Variants in CLUAP1 observed in about 807,000 individuals in gnomAD.
CLUAP1 encodes the protein intraflagellar transport 38.
A neutral mutation model predicts 55.0 loss-of-function variants in CLUAP1; 50 were observed. The ratio of observed to expected loss-of-function variants is 0.91; its 90% CI spans 0.72 to 1.15. The LOEUF (loss-of-function observed/expected upper bound fraction) is 1.15. CLUAP1 is among the 50% of genes most tolerant of loss of function. The pLI is 0.00. For missense variants in CLUAP1, 530 were observed against 507.6 expected (o/e 1.04, Z -0.42); for synonymous variants, 195 against 175.4 (o/e 1.11, Z -0.88).
intron 8 of CLUAP1, 81 bp from the exon 9 acceptor site, chr16:3,526,331 A>G (rs1390404638): frequency 1.2e-6 from 1 of 850,158 alleles, no homozygotes; most frequent in Non-Finnish European, 1.7e-6. Flanking sequence ...CAAACTTAGC[A>G]GTCCTTACAC....
intron 9 of CLUAP1, among the ~76,000 whole-genome samples, chr16:3,527,114 C>T (rs890298448): frequency 6.6e-6 from 1 of 152,052 alleles, no homozygotes; most frequent in African/African-American, 2.4e-5. Flanking sequence ...CTTGTGTGGG[C>T]GGCAAGCCGC....
chr16:3,496,379 C>A, upstream of CLUAP1: 1 of 1,197,580 alleles, frequency 8.4e-7, no homozygotes, highest in Non-Finnish European at 1.2e-6. Flanking sequence ...CACCAACCGG[C>A]CACCTCTGTC....
Position 3,508,581 on chromosome 16 carries a change from G to C in CLUAP1, c.399+113G>C, listed in dbSNP as rs1355934794. 6 of 931,984 alleles carry C rather than the reference G, an allele frequency of 6.4e-6. 1 individual carries two copies. In the East Asian group the frequency reaches 1.2e-4, roughly 19 times the overall value. 57.7% of individuals were successfully genotyped at this position (931,984 alleles called of 1,614,324 possible). On this transcript the variant is annotated intron_variant, in intron 4 of 11. Transcript: ENST00000576634. ...TTTTCTTCCTCCTCAGCTGAGGGCA[G>C]TTTGTCAGTTTTGTGCTCATCAGCA...
chr16:3,509,169 A>G (rs569627633), intron 4 of CLUAP1, among the ~76,000 whole-genome samples: 150 of 152,184 alleles, frequency 9.9e-4, no homozygotes, highest in African/African-American at 3.5e-3. Flanking sequence ...CTGAGGTGGG[A>G]AGATCTCTTG....
chr16:3,529,067 G>C (rs986189660), intron 9 of CLUAP1, among the ~76,000 whole-genome samples: 5 of 151,634 alleles, frequency 3.3e-5, no homozygotes, highest in Admixed American at 1.3e-4. Flanking sequence ...GCGAAGAACT[G>C]GTGCCAGAAC....
At chr16:3,509,610 CTG>C (rs1169442285) in intron 4 of CLUAP1, among the ~76,000 whole-genome samples, 4 of 152,190 alleles carry the variant, frequency 2.6e-5, no homozygotes, top group Admixed American at 2.6e-4. Context: ...AGCCGTTACT[CTG>C]AGGCCCAAGG....
chr16:3,517,191 C>G (rs142790462), intron 6 of CLUAP1, among the ~76,000 whole-genome samples: 109 of 151,808 alleles, frequency 7.2e-4, no homozygotes, highest in African/African-American at 2.5e-3. Context: ...GTGGCACAAC[C>G]TCGGCTCATT....
rs557947162 is a variant in CLUAP1, at chr16:3,507,210, A to G, written c.219+795A>G. Among the ~76,000 whole-genome samples the G allele has an allele frequency of 2.0e-5, 3 of 151,496 alleles. No homozygotes were observed. The South Asian group carries it at 6.2e-4, about 31-fold the overall frequency. On this transcript the variant is annotated intron_variant, in intron 3 of 11. Transcript: ENST00000576634. ...GACTCTGTCTTAAAAAAAAAAAAAAAGAATTTTATTTATTTATTTTTGAAT... is the reference window on the plus strand; with the variant it reads ...GACTCTGTCTTAAAAAAAAAAAAAAGGAATTTTATTTATTTATTTTTGAAT...
chr16:3,507,680 T>TGTGTG (rs2037535186), intron 3 of CLUAP1, among the ~76,000 whole-genome samples: 11 of 142,988 alleles, frequency 7.7e-5, no homozygotes, highest in Non-Finnish European at 1.5e-4. Context: ...CTTCCAGAGT[T>TGTGTG]TGTGTGTGTG....
upstream of CLUAP1, chr16:3,496,661 G>A (rs2037314949): frequency 1.5e-5 from 8 of 533,256 alleles, no homozygotes; most frequent in Non-Finnish European, 2.6e-5. Context: ...CCGGCATTTC[G>A]GCAAGGCCCT....
At chr16:3,531,882 G>A (rs185712946) in intron 10 of CLUAP1, among the ~76,000 whole-genome samples, 173 of 150,648 alleles carry the variant, frequency 1.1e-3, no homozygotes, top group South Asian at 3.2e-3. Context: ...CTCGCTCTTG[G>A]TCCCCAGGTT....
At chr16:3,532,538 C>G (rs2151071329) in intron 10 of CLUAP1, among the ~76,000 whole-genome samples, 1 of 151,294 alleles carries the variant, frequency 6.6e-6, no homozygotes, top group South Asian at 2.1e-4. Flanking sequence ...CCTCAGCCTC[C>G]CGAGTAGCTG....
At chr16:3,522,202 T>C (rs1056154822) in intron 7 of CLUAP1, among the ~76,000 whole-genome samples, 10 of 152,182 alleles carry the variant, frequency 6.6e-5, no homozygotes, top group Non-Finnish European at 1.5e-4. Flanking sequence ...CTCTCTGTGT[T>C]GCCTAGGCTG....
intron 4 of CLUAP1, among the ~76,000 whole-genome samples, chr16:3,509,063 C>T (rs1015757395): frequency 2.6e-5 from 4 of 151,868 alleles, no homozygotes; most frequent in African/African-American, 9.7e-5. Flanking sequence ...TCCAGACCAA[C>T]CTGGGCAACA....
At chr16:3,517,871 G>C (rs1439223159) in intron 6 of CLUAP1, among the ~76,000 whole-genome samples, 2 of 152,198 alleles carry the variant, frequency 1.3e-5, no homozygotes, top group Non-Finnish European at 2.9e-5. Context: ...GGTTCTGAAA[G>C]TCAAGGAAAG....
At position 3,537,341 on chromosome 16, in the gene CLUAP1, TTTTTTTC is replaced by T. The variant is rs1164843610; in HGVS notation, c.*1080_*1086del. 1 of 152,116 alleles carries T rather than the reference TTTTTTTC, an allele frequency of 6.6e-6. No homozygotes were observed. The highest frequency in any genetic ancestry group is 2.4e-5 in the African/African-American group (1 of 41,388). 9.4% of individuals were successfully genotyped at this position (152,116 alleles called of 1,614,324 possible). A position where few individuals can be genotyped will look rare whatever the true frequency, so the allele number is the denominator to read the frequency against. On this transcript the variant is annotated 3_prime_UTR_variant, in exon 12 of 12. Transcript: ENST00000576634. ...GTTGTGAAATTAGAAGTGGAGTTGG[TTTTTTTC>T]TTTTTTCTTCTTCTTTTTTTTTAAT...
intron 7 of CLUAP1, among the ~76,000 whole-genome samples, chr16:3,522,863 A>G (rs1378568732): frequency 6.6e-6 from 1 of 152,194 alleles, no homozygotes; most frequent in Non-Finnish European, 1.5e-5. Context: ...TCAACTATCA[A>G]GCGCTTATAC....
chr16:3,504,662 T>G, intron 1 of CLUAP1, 58 bp from the exon 2 acceptor site: 1 of 944,584 alleles, frequency 1.1e-6, no homozygotes, highest in Non-Finnish European at 1.8e-6. Flanking sequence ...AATATCTAAG[T>G]TAATAAGTAG....
intron 7 of CLUAP1, among the ~76,000 whole-genome samples, chr16:3,522,745 G>T (rs1173510562): frequency 2.6e-5 from 4 of 151,924 alleles, no homozygotes; most frequent in Non-Finnish European, 5.9e-5. Context: ...TGAGATTACG[G>T]TATATTGAAA....
Sources: gnomAD v4.1 joint callset for allele counts (sites outside exome capture counted in the v4.1 genomes callset) on GRCh38, gnomAD v4.1.1 for gene constraint, MANE v1.5 for transcripts, NCBI Gene and HGNC (gene_info 2026-07-23, HGNC 2026-07-21) for gene names.